Variants in HTR1F observed in about 807,000 individuals in gnomAD.
HTR1F encodes the protein 5-hydroxytryptamine (serotonin) receptor 1F, G protein-coupled.
Under a neutral mutation model 24.0 loss-of-function variants are expected in HTR1F, and 17 were observed. The ratio of observed to expected loss-of-function variants is 0.71; its 90% confidence interval spans 0.48 to 1.06. The LOEUF is 1.06. HTR1F is among the 50% of genes least tolerant of loss of function. The pLI, the probability that HTR1F is intolerant of heterozygous loss-of-function variation, is 0.00. For missense variants in HTR1F, 391 were observed against 427.8 expected, an observed-to-expected ratio of 0.91 and a Z score of 0.76; for synonymous variants, 186 against 156.8, an observed-to-expected ratio of 1.19 and a Z score of -1.39.
chr3:87,978,319 GAGT>G (rs1393026720), intron 2 of HTR1F, among the ~76,000 whole-genome samples: 1 of 152,182 alleles, frequency 6.6e-6, no homozygotes, highest in Non-Finnish European at 1.5e-5. Flanking sequence ...ACAACTTGAT[GAGT>G]CGGGGAGCTG....
intron 1 of HTR1F, among the ~76,000 whole-genome samples, chr3:87,795,275 C>T (rs1456020113): frequency 2.0e-5 from 3 of 152,186 alleles, no homozygotes; most frequent in Non-Finnish European, 4.4e-5. Flanking sequence ...TGAGCCACAG[C>T]GCCCGGCCAA....
At chr3:87,958,516 C>T (rs1052203843) in intron 2 of HTR1F, among the ~76,000 whole-genome samples, 1 of 151,508 alleles carries the variant, frequency 6.6e-6, no homozygotes, top group African/African-American at 2.4e-5. Context: ...GGAGGCACTC[C>T]ACAAACATTA....
chr3:87,867,102 G>C (rs1169836294), intron 2 of HTR1F, among the ~76,000 whole-genome samples: 1 of 151,854 alleles, frequency 6.6e-6, no homozygotes, highest in Non-Finnish European at 1.5e-5. Flanking sequence ...ATGTGTCAAA[G>C]TATTTTTTCA....
intron 2 of HTR1F, among the ~76,000 whole-genome samples, chr3:87,850,389 A>T (rs1272653236): frequency 6.6e-6 from 1 of 151,840 alleles, no homozygotes; most frequent in Non-Finnish European, 1.5e-5. Flanking sequence ...GTTCTCACTC[A>T]TAGGTCGGAA....
chr3:87,960,072 C>T (rs1356579063), intron 2 of HTR1F, among the ~76,000 whole-genome samples: 1 of 151,900 alleles, frequency 6.6e-6, no homozygotes, highest in Non-Finnish European at 1.5e-5. Context: ...CCTAGCTACA[C>T]ATTAAAATCA....
intron 2 of HTR1F, among the ~76,000 whole-genome samples, chr3:87,847,616 A>G (rs868438370): frequency 1.3e-4 from 19 of 151,878 alleles, no homozygotes; most frequent in African/African-American, 3.9e-4. Flanking sequence ...CTAGTCTGCT[A>G]TCAAAACACT....
At chr3:87,845,428 A>G (rs976611771) in intron 2 of HTR1F, among the ~76,000 whole-genome samples, 1 of 149,848 alleles carries the variant, frequency 6.7e-6, no homozygotes, top group South Asian at 2.1e-4. Context: ...AAGCATTCCT[A>G]TACACCAACA....
At chr3:87,916,309 G>GA (rs34801984) in intron 2 of HTR1F, among the ~76,000 whole-genome samples, 42,433 of 109,030 alleles carry the variant, frequency 0.39, 8,558 homozygotes, top group East Asian at 0.56. Flanking sequence ...AAGCAAAAAA[G>GA]AAAAAAAAAA....
intron 2 of HTR1F, among the ~76,000 whole-genome samples, chr3:87,865,753 T>C (rs758207312): frequency 1.8e-4 from 28 of 152,212 alleles, no homozygotes; most frequent in Non-Finnish European, 3.5e-4. Context: ...TCTGTTCTAC[T>C]CTTGGTGGAT....
At chr3:87,863,419 G>C (rs1475482482) in intron 2 of HTR1F, among the ~76,000 whole-genome samples, 1 of 152,130 alleles carries the variant, frequency 6.6e-6, no homozygotes, top group Non-Finnish European at 1.5e-5. Context: ...GAAGAAATCA[G>C]AACCCAGTTT....
chr3:87,838,601 T>A (rs1344177481), intron 2 of HTR1F, among the ~76,000 whole-genome samples: 1 of 152,168 alleles, frequency 6.6e-6, no homozygotes, highest in Non-Finnish European at 1.5e-5. Flanking sequence ...GATTACCTTT[T>A]GTTGCATTGT....
intron 2 of HTR1F, among the ~76,000 whole-genome samples, chr3:87,913,047 A>T (rs1415771384): frequency 2.6e-5 from 4 of 152,160 alleles, no homozygotes; most frequent in Admixed American, 2.0e-4. Context: ...TTTATGATGA[A>T]GACCTCAAAA....
intron 2 of HTR1F, among the ~76,000 whole-genome samples, chr3:87,921,567 TTC>T (rs989790698): frequency 4.6e-5 from 7 of 151,922 alleles, no homozygotes; most frequent in Admixed American, 6.6e-5. Context: ...CCATTATCAT[TTC>T]TTTTTGTTGT....
chr3:87,917,385 C>CA (rs371235870), intron 2 of HTR1F, among the ~76,000 whole-genome samples: 19,222 of 107,278 alleles, frequency 0.18, 1,326 homozygotes, highest in African/African-American at 0.21. Flanking sequence ...GAAATTGAAG[C>CA]AAAAAAAAAA....
At chr3:87,891,058 C>CTTGA (rs1190652357) in intron 2 of HTR1F, among the ~76,000 whole-genome samples, 2 of 152,078 alleles carry the variant, frequency 1.3e-5, no homozygotes, top group Non-Finnish European at 2.9e-5. Flanking sequence ...CCAGCCTGGT[C>CTTGA]TTGAACTCCT....
At chr3:87,873,685 A>G (rs1189433049) in intron 2 of HTR1F, among the ~76,000 whole-genome samples, 1 of 152,186 alleles carries the variant, frequency 6.6e-6, no homozygotes, top group Non-Finnish European at 1.5e-5. Flanking sequence ...TCCACCAAAT[A>G]CTAGCAAACT....
intron 2 of HTR1F, among the ~76,000 whole-genome samples, chr3:87,832,050 G>A (rs924052198): frequency 5.3e-5 from 8 of 152,132 alleles, no homozygotes; most frequent in Middle Eastern, 3.4e-3. Flanking sequence ...TCACACAGGT[G>A]GTAAGAATTT....
intron 2 of HTR1F, among the ~76,000 whole-genome samples, chr3:87,853,008 T>G (rs1201254788): frequency 6.6e-6 from 1 of 151,554 alleles, no homozygotes; most frequent in Non-Finnish European, 1.5e-5. Flanking sequence ...TTTATTTCAT[T>G]AGGCTTTTTA....
chr3:87,977,574 T>C (rs913389761), intron 2 of HTR1F, among the ~76,000 whole-genome samples: 1 of 137,648 alleles, frequency 7.3e-6, no homozygotes, highest in Non-Finnish European at 1.6e-5. Flanking sequence ...AATTTTTTTC[T>C]TTTTTTTTTT....
Sources: allele counts gnomAD v4.1 joint callset (sites outside exome capture counted in the v4.1 genomes callset), GRCh38; gene constraint gnomAD v4.1.1; transcripts MANE v1.5; gene names NCBI Gene and HGNC (gene_info 2026-07-23, HGNC 2026-07-21).